The following COL25A1 variants were observed in gnomAD, a reference collection of about 807,000 sequenced individuals.
COL25A1 encodes collagen type XXV alpha 1 chain, also known as collagen alpha-1(XXV) chain.
COL25A1 carries 103 observed loss-of-function variants against 128.4 expected under a neutral mutation model. The observed-to-expected ratio is 0.80, with a 90% CI of 0.68 to 0.94. The LOEUF is 0.94. Among genes scored for constraint, COL25A1 ranks in the 40% least tolerant of loss-of-function variants. COL25A1 has a pLI of 0.00. For synonymous variants in COL25A1, 279 were observed against 277.2 expected (o/e 1.01, Z -0.06); for missense variants, 745 against 840.0 (o/e 0.89, Z 1.40).
intron 3 of COL25A1, among the ~76,000 whole-genome samples, chr4:109,184,811 A>G (rs1774987618): frequency 6.6e-6 from 1 of 152,136 alleles, no homozygotes; most frequent in South Asian, 2.1e-4. Context: ...ATTCCTGCCA[A>G]GTGGCTCCCA....
At chr4:109,008,244 G>T (rs1756228482) in intron 6 of COL25A1, among the ~76,000 whole-genome samples, 1 of 152,174 alleles carries the variant, frequency 6.6e-6, no homozygotes, top group Non-Finnish European at 1.5e-5. Context: ...CAACAGTAAA[G>T]GCAGGGAACT....
At chr4:109,105,448 T>TGGGATACAGAGTAAG (rs1482416764) in intron 3 of COL25A1, among the ~76,000 whole-genome samples, 1 of 152,146 alleles carries the variant, frequency 6.6e-6, no homozygotes, top group African/African-American at 2.4e-5. Flanking sequence ...CACTCCAGCT[T>TGGGATACAGAGTAAG]GGGATACAGA....
chr4:109,059,007 C>A (rs1412879829), intron 3 of COL25A1, among the ~76,000 whole-genome samples: 2 of 152,142 alleles, frequency 1.3e-5, no homozygotes, highest in East Asian at 3.8e-4. Flanking sequence ...CACGAAGGCA[C>A]AGGCATACTA....
At chr4:109,217,823 T>C (rs1778114091) in intron 3 of COL25A1, among the ~76,000 whole-genome samples, 2 of 152,194 alleles carry the variant, frequency 1.3e-5, no homozygotes, top group Non-Finnish European at 2.9e-5. Context: ...GTTTAGTCAA[T>C]AACAACAGGA....
intron 3 of COL25A1, among the ~76,000 whole-genome samples, chr4:109,214,647 G>T (rs575169181): frequency 1.4e-4 from 22 of 151,808 alleles, no homozygotes; most frequent in Non-Finnish European, 2.8e-4. Flanking sequence ...TTACGTGTTG[G>T]ACAGGGGCCA....
At chr4:109,131,128 G>A (rs1187039154) in intron 3 of COL25A1, among the ~76,000 whole-genome samples, 5 of 152,070 alleles carry the variant, frequency 3.3e-5, no homozygotes, top group Non-Finnish European at 7.4e-5. Context: ...GAACTCTAAA[G>A]AGAAGGTAAA....
At chr4:109,265,518 CGTGTGTGTGTGTGTGTGTGTGTGTGT>C (rs57643656) in intron 3 of COL25A1, among the ~76,000 whole-genome samples, 2 of 129,702 alleles carry the variant, frequency 1.5e-5, no homozygotes, top group African/African-American at 5.6e-5. Flanking sequence ...AATAACAGTA[CGTGTGTGTGTGTGTGTGTGTGTGTGT>C]GTGTGTGTGT....
intron 31 of COL25A1, among the ~76,000 whole-genome samples, chr4:108,841,141 A>T (rs1349677): frequency 6.6e-6 from 1 of 152,040 alleles, no homozygotes; most frequent in Non-Finnish European, 1.5e-5. Context: ...AGGAGCTTTT[A>T]TCCCTTGTTC....
intron 3 of COL25A1, among the ~76,000 whole-genome samples, chr4:109,154,987 T>A (rs1771896564): frequency 6.6e-6 from 1 of 152,116 alleles, no homozygotes; most frequent in African/African-American, 2.4e-5. Context: ...CTCCTTCCCA[T>A]TTTCCCCTCC....
rs72885172 is a variant in COL25A1 at position 109,093,354 on chromosome 4, T to A, written c.368-43175A>T. Among the ~76,000 whole-genome samples, 297 of 151,008 alleles carry A rather than the reference T, an allele frequency of 2.0e-3. 3 individuals carry two copies. Among genetic ancestry groups the A allele is most frequent in the African/African-American group, 7.0e-3 (288 of 40,970 alleles). On this transcript the variant is annotated intron_variant, in intron 3 of 37. Coordinates refer to ENST00000399132, the MANE Select transcript of COL25A1 (RefSeq NM_198721.4). ...ATGCATACAGGCTGGGTGCAGTGGC[T>A]CATGCCTATAATCTCAGTACTTTGG... is the stretch of plus-strand genomic sequence containing the variant.
At chr4:109,260,390 C>A (rs1295144804) in intron 3 of COL25A1, among the ~76,000 whole-genome samples, 1 of 152,178 alleles carries the variant, frequency 6.6e-6, no homozygotes, top group African/African-American at 2.4e-5. Context: ...ATAAACATCT[C>A]TACTCATACA....
intron 3 of COL25A1, among the ~76,000 whole-genome samples, chr4:109,247,378 A>G (rs1248848853): frequency 6.6e-6 from 1 of 152,170 alleles, no homozygotes; most frequent in African/African-American, 2.4e-5. Context: ...AGGATTGAAA[A>G]TGTGGAAATG....
chr4:109,042,578 G>A (rs543068635), intron 5 of COL25A1, among the ~76,000 whole-genome samples: 16 of 152,048 alleles, frequency 1.1e-4, no homozygotes, highest in African/African-American at 3.9e-4. Flanking sequence ...AAGATAAATG[G>A]TTTGTTCCCT....
intron 3 of COL25A1, among the ~76,000 whole-genome samples, chr4:109,187,766 C>T (rs890147627): frequency 6.6e-6 from 1 of 151,966 alleles, no homozygotes; most frequent in Admixed American, 6.6e-5. Flanking sequence ...TTTCCCCTTG[C>T]CCAAGGTATA....
intron 3 of COL25A1, 90 bp from the exon 4 acceptor site, chr4:109,050,269 AT>A (rs1251489103): frequency 1.4e-5 from 13 of 960,604 alleles, no homozygotes; most frequent in Non-Finnish European, 2.0e-5. Context: ...ATATTTTCTC[AT>A]TGTTTTTAAC....
intron 26 of COL25A1, among the ~76,000 whole-genome samples, chr4:108,849,069 G>A (rs1448689510): frequency 6.6e-6 from 1 of 151,950 alleles, no homozygotes; most frequent in Non-Finnish European, 1.5e-5. Context: ...CTAAAAAAGA[G>A]TGGTCAAGGA....
chr4:108,954,466 T>C (rs1749822636), intron 8 of COL25A1, among the ~76,000 whole-genome samples: 1 of 152,050 alleles, frequency 6.6e-6, no homozygotes, highest in African/African-American at 2.4e-5. Context: ...AATATTCATA[T>C]TTAACCTCAA....
intron 5 of COL25A1, among the ~76,000 whole-genome samples, chr4:109,040,962 T>A (rs1560583621): frequency 6.6e-6 from 1 of 152,170 alleles, no homozygotes; most frequent in African/African-American, 2.4e-5. Context: ...TTATCCTGTT[T>A]CCTACCATAA....
At chr4:108,838,081 A>C in intron 31 of COL25A1, 1 of 1,527,746 alleles carries the variant, frequency 6.5e-7, no homozygotes. Context: ...CTAAAATGGA[A>C]AGTTTTCTTT....
Sources: gnomAD v4.1 joint callset for allele counts (sites outside exome capture counted in the v4.1 genomes callset) on GRCh38, gnomAD v4.1.1 for gene constraint, MANE v1.5 for transcripts, NCBI Gene and HGNC (gene_info 2026-07-23, HGNC 2026-07-21) for gene names.